GNA14: variants seen among roughly 807,000 people sequenced by gnomAD.
GNA14 encodes G protein subunit alpha 14.
Under a neutral mutation model 42.0 loss-of-function variants are expected in GNA14, and 50 were observed. The ratio of observed to expected loss-of-function variants is 1.19; its 90% CI spans 0.95 to 1.51. GNA14 has a LOEUF of 1.51. Ranked by LOEUF, GNA14 falls within the 40% of genes most tolerant of loss-of-function variation. The pLI, the probability that GNA14 is intolerant of heterozygous loss-of-function variation, is 0.00. For missense variants in GNA14, 473 were observed against 446.2 expected (o/e 1.06, Z -0.54); for synonymous variants, 173 against 163.1 (o/e 1.06, Z -0.46).
intron 2 of GNA14, among the ~76,000 whole-genome samples, chr9:77,523,314 T>C (rs896125495): frequency 3.3e-5 from 5 of 152,132 alleles, no homozygotes; most frequent in Non-Finnish European, 2.9e-5. Context: ...TCAGGAAACT[T>C]ACAATCATGG....
At chr9:77,536,533 T>A (rs1186832739) in intron 1 of GNA14, among the ~76,000 whole-genome samples, 2 of 152,180 alleles carry the variant, frequency 1.3e-5, no homozygotes, top group Non-Finnish European at 2.9e-5. Flanking sequence ...GTATTTTTAG[T>A]AGAGACGGGG....
intron 1 of GNA14, among the ~76,000 whole-genome samples, chr9:77,556,213 C>T (rs1822777870): frequency 6.6e-6 from 1 of 152,178 alleles, no homozygotes. Context: ...CATTGCACTA[C>T]AGTCTGGGCG....
chr9:77,444,891 A>G (rs1419328339), intron 2 of GNA14, among the ~76,000 whole-genome samples: 1 of 152,184 alleles, frequency 6.6e-6, no homozygotes, highest in Non-Finnish European at 1.5e-5. Context: ...AGACTCGTTC[A>G]CCACTCAGTG....
intron 1 of GNA14, among the ~76,000 whole-genome samples, chr9:77,569,911 C>T (rs1242051252): frequency 6.6e-6 from 1 of 152,026 alleles, no homozygotes; most frequent in Non-Finnish European, 1.5e-5. Context: ...GGATTACAGG[C>T]GTGTGCCACC....
In GNA14 at chr9:77,492,289, T is replaced by G. The variant is rs184273620; in HGVS notation, c.309+36780A>C. Among the ~76,000 whole-genome samples, 430 of 151,248 alleles carry G rather than the reference T, an allele frequency of 2.8e-3. 1 individual carries two copies. The highest frequency in any genetic ancestry group is 9.9e-3 in the African/African-American group (411 of 41,310). On this transcript the variant is annotated intron_variant, in intron 2 of 6. Coordinates refer to ENST00000341700, the MANE Select transcript of GNA14 (RefSeq NM_004297.4). ...CCCAAAATTAGTAGAAAGAAAGAAA[T>G]AATGGAGATCAGAATATAAATAAAT... is the stretch of plus-strand genomic sequence containing the variant.
intron 1 of GNA14, among the ~76,000 whole-genome samples, chr9:77,545,528 G>A (rs1051734843): frequency 1.3e-5 from 2 of 152,194 alleles, no homozygotes; most frequent in African/African-American, 4.8e-5. Context: ...GTTTATGAAT[G>A]CGTGGTCAAA....
At chr9:77,480,130 G>A (rs1243675905) in intron 2 of GNA14, among the ~76,000 whole-genome samples, 1 of 151,982 alleles carries the variant, frequency 6.6e-6, no homozygotes, top group Admixed American at 6.6e-5. Flanking sequence ...TCTTGTGCCA[G>A]TTTTCAAAGG....
Position 77,431,498 on chromosome 9 carries a change from A to G in GNA14, c.465-49T>C, listed in dbSNP as rs1474261172. 1.9e-6 allele frequency: 3 copies of G among 1,553,256 alleles called. No homozygotes were observed. The East Asian group carries it at 6.8e-5, about 35-fold the overall frequency. On this transcript the variant is annotated intron_variant, in intron 3 of 6. Coordinates refer to ENST00000341700, the MANE Select transcript of GNA14 (RefSeq NM_004297.4). ...TGACTCTCCTTTTAGAGCAGGGGGA[A>G]ATGTCCATCCTACTCAAAGGAAGTC...
intron 2 of GNA14, among the ~76,000 whole-genome samples, chr9:77,452,144 C>T (rs1267871211): frequency 6.6e-6 from 1 of 152,128 alleles, no homozygotes; most frequent in East Asian, 1.9e-4. Context: ...ATACACTGGT[C>T]CTGTCAGCAG....
intron 2 of GNA14, among the ~76,000 whole-genome samples, chr9:77,463,861 G>A (rs2131714616): frequency 6.6e-6 from 1 of 152,176 alleles, no homozygotes; most frequent in Middle Eastern, 3.4e-3. Flanking sequence ...CTGGCTTTAT[G>A]TGGGTAAAAG....
At position 77,587,732 on chromosome 9, in the gene GNA14, T is replaced by G. The variant is rs112599872; in HGVS notation, c.125-58479A>C. On this transcript the variant is annotated intron_variant, in intron 1 of 6. Transcript: ENST00000341700. ...TAGAGTGTTTGCATAGTACTGTGAA[T>G]GTACTAAATGCCGCTGAATTGTTTG... 1.7e-4 allele frequency among the ~76,000 whole-genome samples: 26 copies of G among 152,348 alleles called. 2 individuals are homozygous for G. Among genetic ancestry groups the G allele is most frequent in the African/African-American group, 5.3e-4 (22 of 41,586 alleles).
intron 2 of GNA14, among the ~76,000 whole-genome samples, chr9:77,449,286 CCTAA>C: frequency 6.6e-6 from 1 of 152,240 alleles, no homozygotes; most frequent in Middle Eastern, 3.4e-3. Flanking sequence ...GATGAAATCA[CCTAA>C]CTTTACATTT....
chr9:77,527,563 C>T (rs1438446217), intron 2 of GNA14, among the ~76,000 whole-genome samples: 3 of 152,204 alleles, frequency 2.0e-5, no homozygotes, highest in African/African-American at 7.2e-5. Context: ...ACAATTCTTC[C>T]AATGTGGCCC....
At chr9:77,441,290 G>A (rs1835729603) in intron 2 of GNA14, among the ~76,000 whole-genome samples, 1 of 152,122 alleles carries the variant, frequency 6.6e-6, no homozygotes, top group African/African-American at 2.4e-5. Flanking sequence ...GAGTTCTCAT[G>A]AGATGTGATG....
In GNA14 at chr9:77,423,720, TC is replaced by T. The variant is rs1267142504; in HGVS notation, c.*258del. ...TTAAAAATTCTAGAAAACACCAAAT[TC>T]AAAAATTACACAAAATCTTATAGCC... On this transcript the variant is annotated 3_prime_UTR_variant, in exon 7 of 7. Coordinates refer to ENST00000341700, the MANE Select transcript of GNA14 (RefSeq NM_004297.4). 4 of 249,254 alleles carry T rather than the reference TC, an allele frequency of 1.6e-5. No individual in the cohort carries two copies. The Admixed American group carries it at 2.2e-4, about 14-fold the overall frequency. 15.4% of individuals were successfully genotyped at this position (249,254 alleles called of 1,614,324 possible).
intron 1 of GNA14, among the ~76,000 whole-genome samples, chr9:77,576,356 CTGAA>C (rs1288282063): frequency 1.3e-5 from 2 of 152,200 alleles, no homozygotes; most frequent in East Asian, 3.9e-4. Context: ...GTACCGAATA[CTGAA>C]TAATTTTTAA....
Position 77,431,424 on chromosome 9 carries a change from C to T in GNA14, c.490G>A (p.Ala164Thr), listed in dbSNP as rs201799120. The T allele has an allele frequency of 4.0e-4, 640 of 1,613,136 alleles. No individual in the cohort carries two copies. The highest frequency in any genetic ancestry group is 4.1e-4 in the Non-Finnish European group (488 of 1,179,456). Residue 164 changes from alanine (A) to threonine (T), a missense_variant, in exon 4 of 7, where the codon GCC becomes ACC. Ala to Thr is a moderately conservative substitution (Grantham distance 58, BLOSUM62 0). Coordinates refer to ENST00000341700, the MANE Select transcript of GNA14 (RefSeq NM_004297.4). ...TGGGTAGGCACGAATGATGGTGTGG[C>T]GATGCGGTCAATGTCAGTCAGGTAA... ...KYYLTDIDRI[A>T]TPSFVPTQQD...
intron 1 of GNA14, among the ~76,000 whole-genome samples, chr9:77,550,883 G>A (rs1475079574): frequency 6.6e-6 from 1 of 152,168 alleles, no homozygotes; most frequent in African/African-American, 2.4e-5. Flanking sequence ...TGGAAATTTA[G>A]CTACGCTAGG....
chr9:77,446,449 G>A (rs1019110349), intron 2 of GNA14, among the ~76,000 whole-genome samples: 3 of 152,198 alleles, frequency 2.0e-5, no homozygotes, highest in Admixed American at 2.0e-4. Flanking sequence ...TCCTGGGCTC[G>A]CGAGTCATGC....
Sources: allele counts gnomAD v4.1 joint callset (sites outside exome capture counted in the v4.1 genomes callset), GRCh38; gene constraint gnomAD v4.1.1; transcripts MANE v1.5; gene names NCBI Gene and HGNC (gene_info 2026-07-23, HGNC 2026-07-21).